The following DSCAM variants were observed in gnomAD, a reference collection of about 807,000 sequenced individuals.
DSCAM encodes the protein cell adhesion molecule DSCAM.
In DSCAM, 47 loss-of-function variants were observed where a neutral mutation model predicts 217.7. The ratio of observed to expected loss-of-function variants is 0.22; its 90% CI spans 0.17 to 0.28. DSCAM has a LOEUF of 0.28. Among genes scored for constraint, DSCAM ranks in the 10% least tolerant of loss-of-function variants. The pLI is 1.00. For synonymous variants in DSCAM, 1,056 were observed against 1,015.3 expected (o/e 1.04, Z -0.76); for missense variants, 2,080 against 2,618.3 (o/e 0.79, Z 4.49).
At chr21:40,791,026 TA>T (rs970757036) in intron 1 of DSCAM, among the ~76,000 whole-genome samples, 7 of 149,830 alleles carry the variant, frequency 4.7e-5, no homozygotes, top group African/African-American at 1.5e-4. Flanking sequence ...AAAATAAAAA[TA>T]AAAAAAATTA....
chr21:40,083,968 T>A lies in DSCAM; in HGVS notation c.4171A>T (p.Thr1391Ser). 1 of 1,613,878 alleles carries A rather than the reference T, an allele frequency of 6.2e-7. No individual in the cohort carries two copies. Among genetic ancestry groups the A allele is most frequent in the African/African-American group, 1.3e-5 (1 of 75,038 alleles). ...CAAGAAAGGGTGATGGAGGAAGACG[T>A]GGTCTTGGAGACTGTAAGCCGAGGC... ...DQPRLTVSKT[T>S]SSSITLSWLP... The change falls in exon 24 of 33, where the codon ACG (threonine) becomes TCG (serine). Residue 1391 changes from threonine (T) to serine (S), a missense_variant. Thr to Ser is a moderately conservative substitution (Grantham distance 58). Around this residue, in one of 5 missense-constraint regions of DSCAM, gnomAD observed 1,144 missense variants for 1,421.1 expected, o/e 0.81. Transcript: ENST00000400454.
At chr21:40,273,400 A>T (rs2073644912) in intron 11 of DSCAM, among the ~76,000 whole-genome samples, 3 of 152,194 alleles carry the variant, frequency 2.0e-5, no homozygotes. Flanking sequence ...AAATTTGGCC[A>T]ACTCTATCAT....
chr21:40,081,394 A>T (rs2089454696), intron 24 of DSCAM, among the ~76,000 whole-genome samples: 1 of 152,078 alleles, frequency 6.6e-6, no homozygotes, highest in South Asian at 2.1e-4. Context: ...CACACCCCTT[A>T]CATGGCGATC....
chr21:40,568,182 G>C lies in DSCAM; in HGVS notation c.508+124628C>G, dbSNP rs1052896177. Among the ~76,000 whole-genome samples the C allele has an allele frequency of 2.0e-5, 3 of 152,264 alleles. No individual in the cohort carries two copies. In the South Asian group the frequency reaches 6.2e-4, roughly 32 times the overall value. On this transcript the variant is annotated intron_variant, in intron 3 of 32. Transcript: ENST00000400454. Reference sequence around the variant, plus strand: ...CTTCCTGTATCAAATTCTTTTCTAAGTCACAACATCTTATCTAAATTTTAT... The same window carrying C: ...CTTCCTGTATCAAATTCTTTTCTAACTCACAACATCTTATCTAAATTTTAT...
chr21:40,252,881 G>T (rs1287234466), intron 11 of DSCAM, among the ~76,000 whole-genome samples: 1 of 152,158 alleles, frequency 6.6e-6, no homozygotes, highest in Non-Finnish European at 1.5e-5. Context: ...AAATTGTCCT[G>T]GGTTACTAGA....
intron 11 of DSCAM, among the ~76,000 whole-genome samples, chr21:40,250,613 C>A (rs927572973): frequency 6.6e-6 from 1 of 152,214 alleles, no homozygotes; most frequent in Non-Finnish European, 1.5e-5. Flanking sequence ...TGCCTCCTTT[C>A]ATCCCCGTCA....
intron 10 of DSCAM, among the ~76,000 whole-genome samples, chr21:40,287,979 A>T (rs1320790913): frequency 6.6e-6 from 1 of 152,242 alleles, no homozygotes; most frequent in Non-Finnish European, 1.5e-5. Context: ...TACAATCTCA[A>T]GAGAGACAGG....
intron 3 of DSCAM, among the ~76,000 whole-genome samples, chr21:40,684,763 A>G (rs2090455603): frequency 6.6e-6 from 1 of 152,258 alleles, no homozygotes; most frequent in Admixed American, 6.5e-5. Flanking sequence ...TAACAGCATT[A>G]TGGTTATCAC....
At chr21:40,277,168 A>G (rs2073698156) in intron 10 of DSCAM, among the ~76,000 whole-genome samples, 1 of 151,938 alleles carries the variant, frequency 6.6e-6, no homozygotes, top group African/African-American at 2.4e-5. Context: ...GTATCTGGGG[A>G]CTTGAGGGGA....
chr21:40,675,822 G>A (rs916190114), intron 3 of DSCAM, among the ~76,000 whole-genome samples: 3 of 152,144 alleles, frequency 2.0e-5, no homozygotes, highest in African/African-American at 7.2e-5. Context: ...TTTGTCCCTC[G>A]TGCCGCCTCC....
At chr21:40,208,742 A>G (rs2091152190) in intron 11 of DSCAM, among the ~76,000 whole-genome samples, 1 of 152,156 alleles carries the variant, frequency 6.6e-6, no homozygotes, top group South Asian at 2.1e-4. Flanking sequence ...GGTTCCATTT[A>G]GCCCTACACA....
At chr21:40,784,321 T>G (rs2091573894) in intron 1 of DSCAM, among the ~76,000 whole-genome samples, 1 of 152,168 alleles carries the variant, frequency 6.6e-6, no homozygotes, top group Non-Finnish European at 1.5e-5. Flanking sequence ...CCCCTTTCGC[T>G]AGGCTCTGAT....
intron 1 of DSCAM, among the ~76,000 whole-genome samples, chr21:40,741,792 G>T (rs750292290): frequency 6.6e-6 from 1 of 152,180 alleles, no homozygotes; most frequent in African/African-American, 2.4e-5. Context: ...TTTCCACCAG[G>T]TGATTCGAAT....
intron 1 of DSCAM, among the ~76,000 whole-genome samples, chr21:40,719,495 A>G (rs1034677915): frequency 1.1e-4 from 17 of 152,238 alleles, no homozygotes; most frequent in Admixed American, 2.0e-4. Context: ...CAAAAAATAC[A>G]CGCTGGAATA....
intron 3 of DSCAM, among the ~76,000 whole-genome samples, chr21:40,501,995 T>A (rs911592561): frequency 6.6e-6 from 1 of 152,196 alleles, no homozygotes; most frequent in Admixed American, 6.5e-5. Context: ...CTTTCATATA[T>A]CTAAACCAGG....
At chr21:40,805,381 C>T (rs2091776668) in intron 1 of DSCAM, among the ~76,000 whole-genome samples, 1 of 152,172 alleles carries the variant, frequency 6.6e-6, no homozygotes, top group Admixed American at 6.5e-5. Flanking sequence ...ATCATGACAT[C>T]AGTGAGATTC....
At chr21:40,188,983 G>C in intron 12 of DSCAM, 59 bp downstream of exon 12, 4 of 1,554,950 alleles carry the variant, frequency 2.6e-6, no homozygotes, top group Non-Finnish European at 3.5e-6. Flanking sequence ...TCTGTGAAAG[G>C]AAAGACTTAT....
Position 40,116,186 on chromosome 21 carries a change from G to A in DSCAM, c.3696+8009C>T, listed in dbSNP as rs544787708. Among the ~76,000 whole-genome samples, 4 of 152,166 alleles carry A rather than the reference G, an allele frequency of 2.6e-5. No individual in the cohort carries two copies. The South Asian group carries it at 8.3e-4, about 32-fold the overall frequency. On this transcript the variant is annotated intron_variant, in intron 20 of 32. Transcript: ENST00000400454. ...CAGAGGGTGGAGGGTGAGAGGAGGG[G>A]GAGGATCAGGAAAAACTACTAATGG...
Position 40,846,673 on chromosome 21 carries a change from T to G in DSCAM, c.-12A>C. ...GCCAGTATCCACATGCCCCTGCCGC[T>G]CCCCGGCCTCCCGCGAGCGACGCGC... On this transcript the variant is annotated 5_prime_UTR_variant, in exon 1 of 33. Transcript: ENST00000400454. 1 of 1,148,148 alleles carries G rather than the reference T, an allele frequency of 8.7e-7. No homozygotes were observed. Among genetic ancestry groups the G allele is most frequent in the Non-Finnish European group, 1.1e-6 (1 of 920,272 alleles). 71.1% of individuals were successfully genotyped at this position (1,148,148 alleles called of 1,614,324 possible).
Sources: allele counts gnomAD v4.1 joint callset (sites outside exome capture counted in the v4.1 genomes callset), GRCh38; gene constraint gnomAD v4.1.1; regional missense constraint gnomAD v4.1.1; transcripts MANE v1.5; gene names NCBI Gene and HGNC (gene_info 2026-07-23, HGNC 2026-07-21).